UTRN: variants seen among roughly 807,000 people sequenced by gnomAD.
The protein encoded by UTRN is utrophin.
A neutral mutation model predicts 463.9 loss-of-function variants in UTRN; 283 were observed. That is an observed-to-expected ratio of 0.61 (90% CI 0.55 to 0.67). The LOEUF (loss-of-function observed/expected upper bound fraction) is 0.67, where lower values mean the gene tolerates loss of function less well. UTRN is among the 30% of genes least tolerant of loss of function. The pLI is 0.00. For synonymous variants in UTRN, 1,442 were observed against 1,431.5 expected (o/e 1.01, Z -0.17); for missense variants, 3,922 against 4,084.3 (o/e 0.96, Z 1.08).
chr6:144,583,659 G>C (rs867259677), intron 51 of UTRN: 1 of 509,298 alleles, frequency 2.0e-6, no homozygotes, highest in South Asian at 3.6e-5. Context: ...TGTTTCTCAG[G>C]CTCTAAAAAC....
Position 144,473,735 on chromosome 6 carries a change from A to G in UTRN, c.3082A>G (p.Ile1028Val), listed in dbSNP as rs1355577711. 3.7e-6 allele frequency: 6 copies of G among 1,613,986 alleles called. No homozygotes were observed. The highest frequency in any genetic ancestry group is 5.1e-6 in the Non-Finnish European group (6 of 1,179,988). The change falls in exon 24 of 75, where the codon ATT becomes GTT. Residue 1028 changes from isoleucine to valine, a missense_variant. Transcript: ENST00000367545. Reference sequence around the variant, plus strand: ...GTTCGATTAGGCCGATTCAACAGTCATTGAGAAGTGGATGGATGGCGTGAA... The same window carrying G: ...GTTCGATTAGGCCGATTCAACAGTCGTTGAGAAGTGGATGGATGGCGTGAA... ...LRAFEADSTVIEKWMDGVKDF... is the reference protein window; with the variant it reads ...LRAFEADSTVVEKWMDGVKDF...
chr6:144,386,679 AG>A (rs1358350510), intron 2 of UTRN, among the ~76,000 whole-genome samples: 11 of 152,148 alleles, frequency 7.2e-5, no homozygotes, highest in African/African-American at 2.7e-4. Flanking sequence ...TGAGTTTTGA[AG>A]GGGAATGCAG....
At chr6:144,667,669 A>G (rs1780564766) in intron 51 of UTRN, among the ~76,000 whole-genome samples, 1 of 152,224 alleles carries the variant, frequency 6.6e-6, no homozygotes, top group African/African-American at 2.4e-5. Flanking sequence ...AATGCACTTC[A>G]GGACACAAAA....
intron 51 of UTRN, among the ~76,000 whole-genome samples, chr6:144,608,618 T>C (rs750451669): frequency 6.6e-6 from 1 of 152,128 alleles, no homozygotes; most frequent in Non-Finnish European, 1.5e-5. Context: ...CCTAGACCCA[T>C]GGTTTCTACA....
chr6:144,850,271 G>A (rs1782376023), intron 74 of UTRN, among the ~76,000 whole-genome samples: 1 of 152,166 alleles, frequency 6.6e-6, no homozygotes, highest in African/African-American at 2.4e-5. Context: ...ATGCTTCCAG[G>A]GAGCAGGATA....
chr6:144,668,712 C>T (rs1159166545), intron 51 of UTRN, among the ~76,000 whole-genome samples: 2 of 152,066 alleles, frequency 1.3e-5, no homozygotes, highest in African/African-American at 2.4e-5. Context: ...GTAGTAATCT[C>T]GTTCATGAGA....
At chr6:144,383,203 A>T (rs1225550522) in intron 2 of UTRN, among the ~76,000 whole-genome samples, 1 of 152,168 alleles carries the variant, frequency 6.6e-6, no homozygotes, top group African/African-American at 2.4e-5. Context: ...AAGTGTTGGG[A>T]TTACAGACAT....
chr6:144,570,280 T>C (rs770223004), intron 50 of UTRN, among the ~76,000 whole-genome samples: 2 of 152,048 alleles, frequency 1.3e-5, no homozygotes, highest in East Asian at 3.9e-4. Flanking sequence ...AAAAGTAAAA[T>C]GTAGAGGTCT....
chr6:144,364,197 A>G (rs189615951), intron 2 of UTRN, among the ~76,000 whole-genome samples: 1 of 152,056 alleles, frequency 6.6e-6, no homozygotes, highest in East Asian at 1.9e-4. Context: ...AGCTGAGCTC[A>G]CTCTTCTTTT....
chr6:144,823,743 T>C (rs1346034729), intron 66 of UTRN, among the ~76,000 whole-genome samples: 1 of 152,210 alleles, frequency 6.6e-6, no homozygotes, highest in South Asian at 2.1e-4. Context: ...TGAAAATAAA[T>C]CTGAGGAACA....
rs140319798 is a variant in UTRN, at chr6:144,674,880, T to A, written c.7480-3526T>A. 2.6e-4 allele frequency among the ~76,000 whole-genome samples: 40 copies of A among 152,324 alleles called. No homozygotes were observed. The East Asian group carries it at 6.4e-3, about 24-fold the overall frequency. ...GGCCATGTTTAAAATTTCTTTAAGG[T>A]AGTTTTTACCTTTCTCTGGTGCCTC... On this transcript the variant is annotated intron_variant, in intron 51 of 74. Coordinates refer to ENST00000367545, the MANE Select transcript of UTRN (RefSeq NM_007124.3).
rs550262652 is a variant in UTRN at position 144,456,465 on chromosome 6, C to T, written c.2285-2305C>T. Among the ~76,000 whole-genome samples, 21 of 152,052 alleles carry T rather than the reference C, an allele frequency of 1.4e-4. No individual in the cohort carries two copies. In the South Asian group the frequency reaches 4.2e-3, roughly 30 times the overall value. On this transcript the variant is annotated intron_variant, in intron 19 of 74. Transcript: ENST00000367545. Reference sequence around the variant, plus strand: ...GTCAGGAGATCAACACCATCCTGGGCAACATGGTGAAACCTCGTCTCTACT... The same window carrying T: ...GTCAGGAGATCAACACCATCCTGGGTAACATGGTGAAACCTCGTCTCTACT...
intron 2 of UTRN, among the ~76,000 whole-genome samples, chr6:144,392,411 C>T (rs1359695603): frequency 6.6e-6 from 1 of 152,134 alleles, no homozygotes; most frequent in African/African-American, 2.4e-5. Flanking sequence ...TCTGTTTAAT[C>T]AGTGGTGGGG....
chr6:144,781,798 G>C (rs1056222990), intron 60 of UTRN, 124 bp from the exon 61 acceptor site: 35 of 658,148 alleles, frequency 5.3e-5, no homozygotes, highest in Non-Finnish European at 8.4e-5. Context: ...AGCTAAAAAG[G>C]ATAGATTCTT....
intron 52 of UTRN, among the ~76,000 whole-genome samples, chr6:144,699,166 G>C (rs1370795678): frequency 6.6e-6 from 1 of 152,044 alleles, no homozygotes; most frequent in Non-Finnish European, 1.5e-5. Context: ...AAGACCAGGC[G>C]CGGTGGCTCA....
chr6:144,357,021 G>A (rs542471929), intron 2 of UTRN, among the ~76,000 whole-genome samples: 13 of 152,214 alleles, frequency 8.5e-5, no homozygotes, highest in Admixed American at 5.9e-4. Flanking sequence ...GAGACCCATA[G>A]CCTGTTGTAG....
At chr6:144,717,351 A>G (rs901973610) in intron 53 of UTRN, among the ~76,000 whole-genome samples, 2 of 152,222 alleles carry the variant, frequency 1.3e-5, no homozygotes, top group African/African-American at 2.4e-5. Flanking sequence ...AAAGCTCTCC[A>G]TGGCTTGTTA....
chr6:144,749,394 A>G (rs968939310), intron 55 of UTRN, among the ~76,000 whole-genome samples: 1 of 152,196 alleles, frequency 6.6e-6, no homozygotes, highest in African/African-American at 2.4e-5. Context: ...TTATTTACAG[A>G]ATACACACCT....
rs1315558041 is a variant in UTRN at position 144,732,275 on chromosome 6, TATACAC to T, written c.7939+1791_7939+1796del. Among the ~76,000 whole-genome samples the T allele has an allele frequency of 7.0e-4, 60 of 85,698 alleles. 1 individual carries two copies. Among genetic ancestry groups the T allele is most frequent in the Admixed American group, 3.2e-3 (25 of 7,904 alleles). 56.2% of individuals were successfully genotyped at this position (85,698 alleles called of 152,430 possible). On this transcript the variant is annotated intron_variant, in intron 54 of 74. Transcript: ENST00000367545. ...ATATATATACACACATATATATATATATACACACATATATATATATACACATATATA... is the reference window on the plus strand; with the variant it reads ...ATATATATACACACATATATATATATACATATATATATATACACATATATA...
Sources: gnomAD v4.1 joint callset for allele counts (sites outside exome capture counted in the v4.1 genomes callset) on GRCh38, gnomAD v4.1.1 for gene constraint, MANE v1.5 for transcripts, NCBI Gene and HGNC (gene_info 2026-07-23, HGNC 2026-07-21) for gene names.